Variants in XPO5 observed in about 807,000 individuals in gnomAD.
The protein encoded by XPO5 is exportin-5.
A neutral mutation model predicts 160.6 loss-of-function variants in XPO5; 46 were observed. That is an observed-to-expected ratio of 0.29 (90% CI 0.23 to 0.37). XPO5 has a LOEUF of 0.37. XPO5 is among the 10% of genes least tolerant of loss of function. The probability of loss-of-function intolerance (pLI) is 1.00; values close to 1 mark genes in which losing one functional copy is unlikely to be tolerated. For missense variants in XPO5, 1,090 were observed against 1,463.9 expected (o/e 0.74, Z 4.17); for synonymous variants, 537 against 519.3 (o/e 1.03, Z -0.46).
chr6:43,571,140 G>A (rs1762987282), intron 3 of XPO5, 146 bp from the exon 4 acceptor site: 2 of 834,818 alleles, frequency 2.4e-6, no homozygotes, highest in Non-Finnish European at 3.7e-6. Context: ...TTCAGCCTGA[G>A]TCACTTGTCC....
At chr6:43,562,055 TAAAAG>T (rs1392979790) in intron 9 of XPO5, 187 bp downstream of exon 9, 1 of 446,180 alleles carries the variant, frequency 2.2e-6, no homozygotes, top group African/African-American at 2.0e-5. Flanking sequence ...ATTTTATTGT[TAAAAG>T]AAATTTAGAT....
rs369094278 is a variant in XPO5 at position 43,558,691 on chromosome 6, T to G, written c.1222-100A>C. 44 of 868,154 alleles carry G rather than the reference T, an allele frequency of 5.1e-5. 1 individual carries two copies. Among genetic ancestry groups the G allele is most frequent in the Middle Eastern group, 4.5e-4 (2 of 4,404 alleles). The allele number at this position is 868,154 out of a possible 1,614,324, so 53.8% of individuals were successfully genotyped here. On this transcript the variant is annotated intron_variant, in intron 11 of 31. Transcript: ENST00000265351. ...AAGCACTTTTAATTTATTTAAGAGTTAAGCGTTTGCATGAGATATTGTATG... is the reference window on the plus strand; with the variant it reads ...AAGCACTTTTAATTTATTTAAGAGTGAAGCGTTTGCATGAGATATTGTATG...
intron 24 of XPO5, 91 bp downstream of exon 24, chr6:43,528,737 A>G: frequency 8.0e-7 from 1 of 1,256,120 alleles, no homozygotes; most frequent in Non-Finnish European, 1.1e-6. Context: ...CTAGTAGACA[A>G]CACTTCTAGG....
chr6:43,525,491 C>T (rs903786579), intron 28 of XPO5: 2 of 502,422 alleles, frequency 4.0e-6, no homozygotes, highest in African/African-American at 1.9e-5. Flanking sequence ...AGTTTACTTC[C>T]TCTATTTTTG....
intron 23 of XPO5, 91 bp from the exon 24 acceptor site, chr6:43,529,016 T>A: frequency 7.9e-7 from 1 of 1,270,010 alleles, no homozygotes; most frequent in Non-Finnish European, 1.1e-6. Flanking sequence ...AATCAATCCC[T>A]AAAGGATTTG....
chr6:43,556,058 G>C (rs1762064842), intron 12 of XPO5, 94 bp from the exon 13 acceptor site: 1 of 1,499,816 alleles, frequency 6.7e-7, no homozygotes, highest in South Asian at 1.3e-5. Flanking sequence ...TAGGGGAAAA[G>C]CATTCAAAGG....
At chr6:43,556,723 T>C (rs1762108490) in intron 12 of XPO5, among the ~76,000 whole-genome samples, 1 of 152,154 alleles carries the variant, frequency 6.6e-6, no homozygotes, top group South Asian at 2.1e-4. Context: ...TATATAAATG[T>C]TCATAGCAGC....
intron 20 of XPO5, among the ~76,000 whole-genome samples, chr6:43,537,048 C>G (rs1794379898): frequency 6.6e-6 from 1 of 152,068 alleles, no homozygotes; most frequent in Non-Finnish European, 1.5e-5. Flanking sequence ...CTCACTGCAG[C>G]CTCAAACTCC....
intron 28 of XPO5, chr6:43,525,606 T>G: frequency 1.8e-6 from 1 of 551,600 alleles, no homozygotes; most frequent in East Asian, 3.0e-5. Flanking sequence ...ACCAGGGATC[T>G]GCATCAGTGT....
chr6:43,537,004 C>T (rs1335679514), intron 20 of XPO5, among the ~76,000 whole-genome samples: 2 of 152,118 alleles, frequency 1.3e-5, no homozygotes, highest in Non-Finnish European at 2.9e-5. Context: ...TCTCACTCTA[C>T]TGCCCAGGCT....
At position 43,569,002 on chromosome 6, in the gene XPO5, C is replaced by T. The variant is rs76602033; in HGVS notation, c.622-265G>A. Among the ~76,000 whole-genome samples the T allele has an allele frequency of 0.033, 4,983 of 152,280 alleles. 264 individuals carry two copies. Among genetic ancestry groups the T allele is most frequent in the African/African-American group, 0.11 (4,609 of 41,546 alleles). On this transcript the variant is annotated intron_variant, in intron 5 of 31. Coordinates refer to ENST00000265351, the MANE Select transcript of XPO5 (RefSeq NM_020750.3). ...TATGAAAACCATGTACTCAAAAATACTGGATGTTGGCCAGGCGTGGTGGCT... is the reference window on the plus strand; with the variant it reads ...TATGAAAACCATGTACTCAAAAATATTGGATGTTGGCCAGGCGTGGTGGCT...
chr6:43,538,401 C>T (rs753563356), intron 20 of XPO5, among the ~76,000 whole-genome samples: 50 of 151,950 alleles, frequency 3.3e-4, no homozygotes, highest in Admixed American at 1.1e-3. Flanking sequence ...CCGCCTGCCT[C>T]GGCCTCCCAA....
chr6:43,562,392 T>C (rs938516054), intron 8 of XPO5, 46 bp from the exon 9 acceptor site: 4 of 1,403,380 alleles, frequency 2.9e-6, no homozygotes, highest in Non-Finnish European at 4.0e-6. Flanking sequence ...TTAAAAAGGC[T>C]GTAATAAAAA....
chr6:43,525,758 T>G (rs1793544899), intron 28 of XPO5, 81 bp downstream of exon 28: 1 of 1,437,328 alleles, frequency 7.0e-7, no homozygotes, highest in South Asian at 1.3e-5. Flanking sequence ...AAACTCTTGA[T>G]AGCACCATAG....
At position 43,565,788 on chromosome 6, in the gene XPO5, C is replaced by T. The variant is rs142042692; in HGVS notation, c.835-52G>A. ...TCATATAAACTATACTTCAAAGTAC[C>T]GACATCTTCTGTAAGTATATAATCA... On this transcript the variant is annotated intron_variant, in intron 7 of 31. Transcript: ENST00000265351. 5.4e-4 allele frequency: 731 copies of T among 1,356,620 alleles called. 5 individuals are homozygous for T. In the East Asian group the frequency reaches 0.016, roughly 30 times the overall value. The allele number at this position is 1,356,620 out of a possible 1,614,324, so 84.0% of individuals were successfully genotyped here.
intron 17 of XPO5, among the ~76,000 whole-genome samples, chr6:43,549,043 A>G (rs1795102105): frequency 6.6e-6 from 1 of 152,206 alleles, no homozygotes; most frequent in Admixed American, 6.5e-5. Flanking sequence ...TAAGTATACT[A>G]AGAAAACACC....
At chr6:43,553,318 AG>A (rs1795342625) in intron 14 of XPO5, 54 bp downstream of exon 14, 1 of 1,557,984 alleles carries the variant, frequency 6.4e-7, no homozygotes, top group Admixed American at 2.0e-5. Flanking sequence ...GAAAGAGAAA[AG>A]AAAAGAAAAA....
chr6:43,539,836 C>G, intron 20 of XPO5: 2 of 520,932 alleles, frequency 3.8e-6, no homozygotes. Flanking sequence ...GTTTTTTGGT[C>G]TAATTTAACT....
At chr6:43,526,345 TGAA>T (rs1192163154) in intron 27 of XPO5, 14 of 399,332 alleles carry the variant, frequency 3.5e-5, no homozygotes, top group East Asian at 9.1e-5. Context: ...ACAACTGCTA[TGAA>T]GAAGAATAAA....
Sources: gnomAD v4.1 joint callset for allele counts (sites outside exome capture counted in the v4.1 genomes callset) on GRCh38, gnomAD v4.1.1 for gene constraint, MANE v1.5 for transcripts, NCBI Gene and HGNC (gene_info 2026-07-23, HGNC 2026-07-21) for gene names.